PPFIA2: variants seen among roughly 807,000 people sequenced by gnomAD.
The protein encoded by PPFIA2 is liprin-alpha-2.
A neutral mutation model predicts 175.5 loss-of-function variants in PPFIA2; 46 were observed. The observed-to-expected ratio is 0.26, with a 90% CI of 0.21 to 0.34. The LOEUF (loss-of-function observed/expected upper bound fraction) is 0.34. Ranked by LOEUF, PPFIA2 falls within the 10% of genes least tolerant of loss-of-function variation. The pLI is 1.00. For missense variants in PPFIA2, 1,179 were observed against 1,506.1 expected, an observed-to-expected ratio of 0.78 and a Z score of 3.60; for synonymous variants, 568 against 511.4, an observed-to-expected ratio of 1.11 and a Z score of -1.49.
rs376756320 is a variant in PPFIA2, at chr12:81,527,097, C to T, written c.304-69231G>A. On this transcript the variant is annotated intron_variant, in intron 4 of 32. Transcript: ENST00000549396. The stretch of plus-strand genomic sequence containing the variant: ...ATGCCAATGATACAATAAAAATATT[C>T]GTGTCTTAATTTAGTCATTTTCTTT... Among the ~76,000 whole-genome samples the T allele has an allele frequency of 2.1e-4, 32 of 152,182 alleles. No homozygotes were observed. The South Asian group carries it at 3.3e-3, about 16-fold the overall frequency.
chr12:81,267,954 G>A lies in PPFIA2; in HGVS notation c.3444C>T (p.Ser1148=). 6.3e-7 allele frequency: 1 copy of A among 1,598,836 alleles called. No individual in the cohort carries two copies. Among genetic ancestry groups the A allele is most frequent in the Non-Finnish European group, 8.5e-7 (1 of 1,171,886 alleles). Residue 1148 remains serine (S), a synonymous_variant, in exon 29 of 33, where the codon AGC becomes AGT. Coordinates refer to ENST00000549396, the MANE Select transcript of PPFIA2 (RefSeq NM_003625.5). ...GAATCTGTAATAATAAAGCTAAGCT[G>A]CTGTAGTCAAAGTTTTCATCCAGGG... ...LIALDENFDY[S]SLALLLQIPT...
At chr12:81,733,257 G>A (rs117725890) in intron 3 of PPFIA2, among the ~76,000 whole-genome samples, 2 of 151,430 alleles carry the variant, frequency 1.3e-5, no homozygotes, top group Non-Finnish European at 3.0e-5. Flanking sequence ...CAACTAGTAC[G>A]CATCAAGTGT....
rs946587382 is a variant in PPFIA2 at position 81,287,786 on chromosome 12, T to C, written c.2926-3483A>G. Among the ~76,000 whole-genome samples the C allele has an allele frequency of 2.6e-5, 4 of 151,828 alleles. No homozygotes were observed. The East Asian group carries it at 7.7e-4, about 29-fold the overall frequency. The stretch of plus-strand genomic sequence containing the variant: ...TTCAGAGCAAAGCATCCCTACAAGA[T>C]AGCTAGATTGGGAAACTGAGCAATC... On this transcript the variant is annotated intron_variant, in intron 24 of 32. Transcript: ENST00000549396.
At chr12:81,713,264 C>T (rs1310472085) in intron 3 of PPFIA2, among the ~76,000 whole-genome samples, 5 of 150,822 alleles carry the variant, frequency 3.3e-5, no homozygotes, top group African/African-American at 1.2e-4. Context: ...ATTTGTATTC[C>T]TCTTTGACAT....
At chr12:81,647,867 AAT>A (rs967974231) in intron 4 of PPFIA2, among the ~76,000 whole-genome samples, 1 of 142,154 alleles carries the variant, frequency 7.0e-6, no homozygotes. Flanking sequence ...TATATAATAT[AAT>A]ATATATTATA....
chr12:81,360,024 G>T (rs977102566), intron 15 of PPFIA2, among the ~76,000 whole-genome samples: 1 of 151,588 alleles, frequency 6.6e-6, no homozygotes, highest in East Asian at 1.9e-4. Flanking sequence ...GTTTTTGTTT[G>T]TTTGTTTGTG....
At chr12:81,301,014 C>T (rs935921824) in intron 22 of PPFIA2, among the ~76,000 whole-genome samples, 1 of 152,008 alleles carries the variant, frequency 6.6e-6, no homozygotes, top group African/African-American at 2.4e-5. Flanking sequence ...ATTACACAAA[C>T]AGCTGCTAAC....
chr12:81,522,690 G>A lies in PPFIA2; in HGVS notation c.304-64824C>T, dbSNP rs557764725. Among the ~76,000 whole-genome samples, 639 of 152,126 alleles carry A rather than the reference G, an allele frequency of 4.2e-3. 3 individuals carry two copies. The highest frequency in any genetic ancestry group is 0.014 in the African/African-American group (580 of 41,500). ...ATTTTAACCTAATCACTTCCCTGCC[G>A]TCCAAATTTTTCCTCAGAAGCCCTT... is the stretch of plus-strand genomic sequence containing the variant. On this transcript the variant is annotated intron_variant, in intron 4 of 32. Transcript: ENST00000549396.
chr12:81,629,311 C>T (rs761598800), intron 4 of PPFIA2, among the ~76,000 whole-genome samples: 13 of 152,074 alleles, frequency 8.5e-5, no homozygotes, highest in South Asian at 2.1e-4. Context: ...ATTTTTGGTA[C>T]GAAAAGCCTT....
intron 23 of PPFIA2, among the ~76,000 whole-genome samples, 186 bp downstream of exon 23, chr12:81,299,115 T>C (rs1207003223): frequency 6.6e-6 from 1 of 152,202 alleles, no homozygotes; most frequent in African/African-American, 2.4e-5. Flanking sequence ...TGATTTCTTC[T>C]ACTACGATCA....
intron 27 of PPFIA2, among the ~76,000 whole-genome samples, chr12:81,278,203 T>C (rs2136793320): frequency 6.6e-6 from 1 of 152,316 alleles, no homozygotes; most frequent in South Asian, 2.1e-4. Context: ...ATATAATTGA[T>C]ACAGAATTAT....
intron 4 of PPFIA2, among the ~76,000 whole-genome samples, chr12:81,470,126 G>A (rs983272663): frequency 6.6e-6 from 1 of 152,162 alleles, no homozygotes; most frequent in Admixed American, 6.5e-5. Flanking sequence ...ACTTCGAGTA[G>A]TATCATTAAG....
chr12:81,608,632 T>C (rs948768879), intron 4 of PPFIA2, among the ~76,000 whole-genome samples: 1 of 152,108 alleles, frequency 6.6e-6, no homozygotes, highest in African/African-American at 2.4e-5. Context: ...GTGGGATCAG[T>C]TGTAATGTCA....
chr12:81,300,269 TCTTTA>T (rs767478647), intron 22 of PPFIA2, among the ~76,000 whole-genome samples: 3 of 152,154 alleles, frequency 2.0e-5, no homozygotes, highest in Non-Finnish European at 2.9e-5. Context: ...AAATACATTC[TCTTTA>T]CTTTAGTATG....
intron 24 of PPFIA2, among the ~76,000 whole-genome samples, chr12:81,293,858 T>C (rs980240066): frequency 3.3e-5 from 5 of 152,116 alleles, no homozygotes; most frequent in Non-Finnish European, 5.9e-5. Flanking sequence ...TATCACAACA[T>C]TAATCATAAT....
intron 11 of PPFIA2, among the ~76,000 whole-genome samples, chr12:81,372,887 G>T (rs775132787): frequency 1.3e-5 from 2 of 151,588 alleles, no homozygotes; most frequent in Non-Finnish European, 3.0e-5. Flanking sequence ...ACAGTAAAGG[G>T]AGGAGAAAGC....
intron 7 of PPFIA2, among the ~76,000 whole-genome samples, chr12:81,423,955 A>C (rs2046730961): frequency 6.6e-6 from 1 of 152,172 alleles, no homozygotes; most frequent in Non-Finnish European, 1.5e-5. Context: ...CACAAACAAC[A>C]ATATAAAAAG....
At chr12:81,568,731 C>T (rs1177003025) in intron 4 of PPFIA2, among the ~76,000 whole-genome samples, 1 of 152,108 alleles carries the variant, frequency 6.6e-6, no homozygotes. Context: ...TTATCAAATA[C>T]GTCTTACATC....
At chr12:81,730,856 A>T (rs1287843830) in intron 3 of PPFIA2, among the ~76,000 whole-genome samples, 1 of 151,590 alleles carries the variant, frequency 6.6e-6, no homozygotes, top group Non-Finnish European at 1.5e-5. Context: ...TTATATGAGA[A>T]TTGGTCTAGA....
Sources: gnomAD v4.1 joint callset for allele counts (sites outside exome capture counted in the v4.1 genomes callset) on GRCh38, gnomAD v4.1.1 for gene constraint, MANE v1.5 for transcripts, NCBI Gene and HGNC (gene_info 2026-07-23, HGNC 2026-07-21) for gene names.